Variants in DISP1 observed in about 807,000 individuals in gnomAD.
The protein encoded by DISP1 is dispatched RND transporter family member 1, also known as protein dispatched homolog 1.
DISP1 carries 30 observed loss-of-function variants against 37.3 expected under a neutral mutation model. The observed-to-expected ratio is 0.80, with a 90% CI of 0.60 to 1.09. DISP1 has a LOEUF of 1.09. Among genes scored for constraint, DISP1 ranks in the 50% least tolerant of loss-of-function variants. DISP1 has a pLI of 0.00. For missense variants in DISP1, 1,598 were observed against 1,879.5 expected (o/e 0.85, Z 2.77); for synonymous variants, 634 against 690.2 (o/e 0.92, Z 1.28).
intron 2 of DISP1, among the ~76,000 whole-genome samples, chr1:222,938,733 TAAAAAA>T (rs33948431): frequency 6.9e-5 from 4 of 57,620 alleles, no homozygotes; most frequent in Non-Finnish European, 1.2e-4. Flanking sequence ...ACCCTGTCTT[TAAAAAA>T]AAAAAAAAAA....
intron 4 of DISP1, among the ~76,000 whole-genome samples, chr1:222,986,404 CTT>C (rs1235041102): frequency 6.6e-6 from 1 of 152,176 alleles, no homozygotes; most frequent in Non-Finnish European, 1.5e-5. Flanking sequence ...TTTAATGTCA[CTT>C]GAGCATAAGC....
intron 1 of DISP1, among the ~76,000 whole-genome samples, chr1:222,866,327 T>C (rs1669191694): frequency 6.6e-6 from 1 of 150,806 alleles, no homozygotes; most frequent in Admixed American, 6.6e-5. Context: ...GATAGTTTTG[T>C]TGTTGTTGTT....
At position 222,942,837 on chromosome 1, in the gene DISP1, A is replaced by G; in HGVS notation, c.14A>G (p.Asn5Ser). Residue 5 changes from asparagine to serine, a missense_variant, in exon 3 of 9, where the codon AAT becomes AGT. Transcript: ENST00000675850. Reference sequence around the variant, plus strand: ...AGAAATTGGAGCATGGCTATGAGCAATGGAAACAATGATTTTGTGGTTCTG... The same window carrying G: ...AGAAATTGGAGCATGGCTATGAGCAGTGGAAACAATGATTTTGTGGTTCTG... MAMS[N>S]GNNDFVVLSN... 6.2e-7 allele frequency: 1 copy of G among 1,614,180 alleles called. No individual in the cohort carries two copies. Among genetic ancestry groups the G allele is most frequent in the Non-Finnish European group, 8.5e-7 (1 of 1,180,032 alleles).
At position 222,873,524 on chromosome 1, in the gene DISP1, T is replaced by G. The variant is rs574223574; in HGVS notation, c.-158-54906T>G. 1.3e-4 allele frequency among the ~76,000 whole-genome samples: 20 copies of G among 152,384 alleles called. No homozygotes were observed. The South Asian group carries it at 1.9e-3, about 14-fold the overall frequency. On this transcript the variant is annotated intron_variant, in intron 1 of 8. Transcript: ENST00000675850. ...TGTTGAATTGATCCCTTTACCATTATGTAATGGCCTTCTTTGTCTCTTTTG... is the reference window on the plus strand; with the variant it reads ...TGTTGAATTGATCCCTTTACCATTAGGTAATGGCCTTCTTTGTCTCTTTTG...
chr1:222,893,515 G>A lies in DISP1; in HGVS notation c.-158-34915G>A, dbSNP rs1163073008. On this transcript the variant is annotated intron_variant, in intron 1 of 8. Transcript: ENST00000675850. The surrounding 1 kb of genome is among the most constrained non-coding windows in gnomAD (Gnocchi z 4.3). ...GGCTGTGTGGGCGAGTGAGTGTGAG[G>A]TCTGGCTGCTGTGCACAGACAGCTA... 6.6e-6 allele frequency among the ~76,000 whole-genome samples: 1 copy of A among 152,228 alleles called. No individual in the cohort carries two copies.
rs144367735 is a variant in DISP1 at position 222,918,618 on chromosome 1, A to G, written c.-158-9812A>G. Among the ~76,000 whole-genome samples the G allele has an allele frequency of 1.8e-3, 269 of 152,332 alleles. 1 individual carries two copies. The highest frequency in any genetic ancestry group is 6.1e-3 in the African/African-American group (255 of 41,576). Reference sequence around the variant, plus strand: ...TAGTATCTAGTAGACCCACTTGTGCAGTGCAGATTGAAGAAAAGAAGTTGT... The same window carrying G: ...TAGTATCTAGTAGACCCACTTGTGCGGTGCAGATTGAAGAAAAGAAGTTGT... On this transcript the variant is annotated intron_variant, in intron 1 of 8. Coordinates refer to ENST00000675850, the MANE Select transcript of DISP1 (RefSeq NM_001377229.1).
chr1:222,958,120 A>T (rs1357128366), intron 3 of DISP1, among the ~76,000 whole-genome samples: 3 of 152,218 alleles, frequency 2.0e-5, no homozygotes, highest in Non-Finnish European at 4.4e-5. Flanking sequence ...ATATTTAATT[A>T]TCAGATATCT....
Position 222,979,383 on chromosome 1 carries a change from G to A in DISP1, c.510-3697G>A, listed in dbSNP as rs374415181. On this transcript the variant is annotated intron_variant, in intron 3 of 8. Coordinates refer to ENST00000675850, the MANE Select transcript of DISP1 (RefSeq NM_001377229.1). ...AGCTGGCCCACTGCACTCCAGCCTG[G>A]GTGACAGAGCAAGACCTTGTCTCAA... Among the ~76,000 whole-genome samples the A allele has an allele frequency of 1.6e-4, 25 of 151,854 alleles. No individual in the cohort carries two copies. In the East Asian group the frequency reaches 4.1e-3, roughly 25 times the overall value.
intron 3 of DISP1, among the ~76,000 whole-genome samples, chr1:222,966,375 A>G (rs1676489606): frequency 1.3e-5 from 2 of 152,204 alleles, no homozygotes; most frequent in African/African-American, 2.4e-5. Flanking sequence ...GAGGCCTTCT[A>G]CAGGTTATAT....
chr1:222,865,905 G>C (rs1270114309), intron 1 of DISP1, among the ~76,000 whole-genome samples: 1 of 152,076 alleles, frequency 6.6e-6, no homozygotes, highest in Non-Finnish European at 1.5e-5. Flanking sequence ...GTTTTCCCTT[G>C]AATTTTCCCT....
At chr1:222,973,779 A>G (rs529067970) in intron 3 of DISP1, among the ~76,000 whole-genome samples, 2 of 152,290 alleles carry the variant, frequency 1.3e-5, no homozygotes, top group East Asian at 3.9e-4. Context: ...TCAGTTCACA[A>G]GCAATACCTC....
At chr1:222,984,438 A>T in intron 4 of DISP1, among the ~76,000 whole-genome samples, 1 of 129,910 alleles carries the variant, frequency 7.7e-6, no homozygotes, top group African/African-American at 3.3e-5. Context: ...ATATATATAG[A>T]GAGAGAGAGA....
chr1:222,894,804 G>A (rs572331389), intron 1 of DISP1, among the ~76,000 whole-genome samples: 1 of 152,242 alleles, frequency 6.6e-6, no homozygotes, highest in Non-Finnish European at 1.5e-5. Context: ...AGCCGGCGAC[G>A]CTGCAGCGGC....
In DISP1 at chr1:222,870,113, A is replaced by G. The variant is rs191595407; in HGVS notation, c.-159+55035A>G. Among the ~76,000 whole-genome samples, 69 of 152,338 alleles carry G rather than the reference A, an allele frequency of 4.5e-4. 1 individual carries two copies. Among genetic ancestry groups the G allele is most frequent in the African/African-American group, 1.6e-3 (65 of 41,574 alleles). On this transcript the variant is annotated intron_variant, in intron 1 of 8. Coordinates refer to ENST00000675850, the MANE Select transcript of DISP1 (RefSeq NM_001377229.1). ...CTTCATCCATGTCCCTACAAAGGACATGAACTCACCATTTGTTATGACTGC... is the reference window on the plus strand; with the variant it reads ...CTTCATCCATGTCCCTACAAAGGACGTGAACTCACCATTTGTTATGACTGC...
At chr1:222,978,308 C>T (rs1209339703) in intron 3 of DISP1, among the ~76,000 whole-genome samples, 2 of 152,162 alleles carry the variant, frequency 1.3e-5, no homozygotes, top group African/African-American at 2.4e-5. Context: ...TTTTTGGCTG[C>T]ATAAATGTCT....
At chr1:222,967,953 CA>C (rs1413986235) in intron 3 of DISP1, among the ~76,000 whole-genome samples, 1 of 152,130 alleles carries the variant, frequency 6.6e-6, no homozygotes, top group Admixed American at 6.6e-5. Flanking sequence ...GAATTATTTT[CA>C]AGCTACAGAT....
intron 1 of DISP1, among the ~76,000 whole-genome samples, chr1:222,926,827 C>T (rs929457779): frequency 6.6e-6 from 1 of 152,032 alleles, no homozygotes. Flanking sequence ...AAACCTGGCA[C>T]TAAATCGACC....
chr1:222,843,744 A>C (rs1165493254), intron 1 of DISP1, among the ~76,000 whole-genome samples: 1 of 152,180 alleles, frequency 6.6e-6, no homozygotes, highest in African/African-American at 2.4e-5. Flanking sequence ...ATCAAAAGAC[A>C]AGAAAGAAAA....
chr1:222,980,814 G>A (rs191355900), intron 3 of DISP1, among the ~76,000 whole-genome samples: 59 of 152,348 alleles, frequency 3.9e-4, no homozygotes, highest in African/African-American at 1.3e-3. Flanking sequence ...GCTGGGCACA[G>A]TGGCTCAGGC....
Sources: gnomAD v4.1 joint callset for allele counts (sites outside exome capture counted in the v4.1 genomes callset) on GRCh38, gnomAD v4.1.1 for gene constraint, Gnocchi (gnomAD v3.1) non-coding constraint, MANE v1.5 for transcripts, NCBI Gene and HGNC (gene_info 2026-07-23, HGNC 2026-07-21) for gene names.